Variants in SEC14L5 observed in about 807,000 individuals in gnomAD.
The protein encoded by SEC14L5 is SEC14-like protein 5.
Under a neutral mutation model 84.6 loss-of-function variants are expected in SEC14L5, and 96 were observed. The ratio of observed to expected loss-of-function variants is 1.13; its 90% CI spans 0.96 to 1.34. SEC14L5 has a LOEUF of 1.34. SEC14L5 is among the 40% of genes most tolerant of loss of function. The pLI is 0.00. For missense variants in SEC14L5, 1,224 were observed against 942.5 expected (o/e 1.30, Z -3.91); for synonymous variants, 546 against 383.4 (o/e 1.42, Z -4.95).
At position 4,959,260 on chromosome 16, in the gene SEC14L5, C is replaced by T; in HGVS notation, c.-51-13C>T. ...GTGGGAGCTGCAACCTCACCAGTCA[C>T]TCCTCGCCCCAGGCTCTGTGCACAC... On this transcript the variant is annotated splice_polypyrimidine_tract_variant and intron_variant, in intron 1 of 15. Transcript: ENST00000251170. The T allele has an allele frequency of 7.5e-7, 1 of 1,330,254 alleles. No individual in the cohort carries two copies. Among genetic ancestry groups the T allele is most frequent in the South Asian group, 1.2e-5 (1 of 85,116 alleles). 82.4% of individuals were successfully genotyped at this position (1,330,254 alleles called of 1,614,324 possible).
At chr16:4,995,947 G>A (rs1376114340) in intron 6 of SEC14L5, among the ~76,000 whole-genome samples, 1 of 152,094 alleles carries the variant, frequency 6.6e-6, no homozygotes. Flanking sequence ...TCTAAAGTGG[G>A]GATAATAGTG....
intron 2 of SEC14L5, among the ~76,000 whole-genome samples, chr16:4,984,718 G>T (rs1490345383): frequency 6.6e-6 from 1 of 152,190 alleles, no homozygotes; most frequent in Non-Finnish European, 1.5e-5. Context: ...TCTTTTAAAA[G>T]TTATTATAGT....
intron 2 of SEC14L5, among the ~76,000 whole-genome samples, chr16:4,986,956 A>G (rs1024637856): frequency 1.3e-5 from 2 of 152,220 alleles, no homozygotes; most frequent in African/African-American, 4.8e-5. Context: ...GATTTTCTAT[A>G]TAAATGTTCA....
rs139649996 is a variant in SEC14L5 at position 5,015,097 on chromosome 16, T to G, written c.*127T>G. 859 of 706,928 alleles carry G rather than the reference T, an allele frequency of 1.2e-3. 1 individual carries two copies. The highest frequency in any genetic ancestry group is 1.9e-3 in the Non-Finnish European group (795 of 426,536). The allele number at this position is 706,928 out of a possible 1,614,324, so 43.8% of individuals were successfully genotyped here. A position where few individuals can be genotyped will look rare whatever the true frequency, so the allele number is the denominator to read the frequency against. ...GCCCCAGGCCTAGATGCTGCCCAAG[T>G]TGGGGTGTCTGGAGCGGATGGCAAG... On this transcript the variant is annotated 3_prime_UTR_variant, in exon 16 of 16. Transcript: ENST00000251170.
intron 8 of SEC14L5, among the ~76,000 whole-genome samples, chr16:4,998,512 G>A (rs554687701): frequency 6.7e-6 from 1 of 150,086 alleles, no homozygotes; most frequent in Non-Finnish European, 1.5e-5. Context: ...GCCGAGGCGG[G>A]CGGATCACGA....
intron 2 of SEC14L5, among the ~76,000 whole-genome samples, chr16:4,977,473 A>ACAAAAAAG (rs1568114861): frequency 7.8e-6 from 1 of 128,648 alleles, no homozygotes; most frequent in East Asian, 2.2e-4. Flanking sequence ...AAAAAAAGGA[A>ACAAAAAAG]AAAAAAAGAA....
At chr16:4,970,697 G>C (rs1225407945) in intron 2 of SEC14L5, among the ~76,000 whole-genome samples, 1 of 152,144 alleles carries the variant, frequency 6.6e-6, no homozygotes, top group East Asian at 1.9e-4. Context: ...TGGGTGGCAC[G>C]GGCTGTCGTT....
chr16:4,981,559 GGGA>G (rs1325605646), intron 2 of SEC14L5, among the ~76,000 whole-genome samples: 3 of 152,152 alleles, frequency 2.0e-5, no homozygotes, highest in Non-Finnish European at 1.5e-5. Context: ...GGGTGGAAAA[GGGA>G]GGAGAAGATG....
Position 4,966,281 on chromosome 16 carries a change from T to G in SEC14L5, c.63+6895T>G, listed in dbSNP as rs897270073. On this transcript the variant is annotated intron_variant, in intron 2 of 15. Transcript: ENST00000251170. ...GCGCCCGGCCTCTTTTTTTTTTTTT[T>G]TTTTTTTTTTGAGATGGAGTCTTGC... Among the ~76,000 whole-genome samples the G allele has an allele frequency of 1.4e-3, 191 of 137,788 alleles. 1 individual carries two copies. The highest frequency in any genetic ancestry group is 4.9e-3 in the African/African-American group (181 of 36,834). The allele number at this position is 137,788 out of a possible 152,430, so 90.4% of individuals were successfully genotyped here.
chr16:5,006,602 C>T (rs1018298962), intron 12 of SEC14L5, among the ~76,000 whole-genome samples: 2 of 152,178 alleles, frequency 1.3e-5, no homozygotes, highest in Non-Finnish European at 2.9e-5. Flanking sequence ...ATATGGCCCC[C>T]AGTGGCCCGG....
At chr16:5,000,276 G>C (rs1255095151) in intron 8 of SEC14L5, among the ~76,000 whole-genome samples, 2 of 152,196 alleles carry the variant, frequency 1.3e-5, no homozygotes, top group African/African-American at 4.8e-5. Context: ...GGGTGACAGA[G>C]CAAGACTCTG....
chr16:4,991,162 CTTTT>C (rs35980290), intron 5 of SEC14L5, among the ~76,000 whole-genome samples: 10 of 85,506 alleles, frequency 1.2e-4, no homozygotes, highest in African/African-American at 4.0e-4. Flanking sequence ...TTCTGTGGTG[CTTTT>C]TTTTTTTTTT....
intron 4 of SEC14L5, among the ~76,000 whole-genome samples, chr16:4,989,801 G>C (rs993241571): frequency 2.0e-5 from 3 of 152,116 alleles, no homozygotes; most frequent in Non-Finnish European, 4.4e-5. Flanking sequence ...ATCAATAGCT[G>C]AGTCAGCAGC....
At chr16:5,008,162 C>G (rs917979668) in intron 13 of SEC14L5, among the ~76,000 whole-genome samples, 2 of 152,012 alleles carry the variant, frequency 1.3e-5, no homozygotes, top group Non-Finnish European at 2.9e-5. Flanking sequence ...GTGATCCACC[C>G]ACCTCGGCCT....
Position 4,961,517 on chromosome 16 carries a change from C to T in SEC14L5, c.63+2131C>T, listed in dbSNP as rs537447426. On this transcript the variant is annotated intron_variant, in intron 2 of 15. Transcript: ENST00000251170. ...GTAATTTTTGTATTTTCAGTATAGA[C>T]GGGGTTTCATCACGTTGGCCACGCT... is the stretch of plus-strand genomic sequence containing the variant. Among the ~76,000 whole-genome samples, 10 of 152,146 alleles carry T rather than the reference C, an allele frequency of 6.6e-5. No individual in the cohort carries two copies. The South Asian group carries it at 2.1e-3, about 32-fold the overall frequency.
At chr16:4,993,789 T>C (rs567784728) in intron 6 of SEC14L5, among the ~76,000 whole-genome samples, 1 of 152,340 alleles carries the variant, frequency 6.6e-6, no homozygotes, top group South Asian at 2.1e-4. Context: ...CCAATCATTG[T>C]TCCCACTGAA....
intron 8 of SEC14L5, 95 bp downstream of exon 8, chr16:4,997,139 C>G (rs1955621592): frequency 1.1e-6 from 1 of 933,414 alleles, no homozygotes; most frequent in Admixed American, 3.2e-5. Context: ...CACTCTGTCA[C>G]CCAGGCTGGA....
intron 2 of SEC14L5, among the ~76,000 whole-genome samples, chr16:4,970,210 C>T (rs944487426): frequency 1.3e-5 from 2 of 152,080 alleles, no homozygotes; most frequent in South Asian, 2.1e-4. Context: ...AACCATTCAT[C>T]ATGGGGAAAA....
chr16:4,989,341 T>C (rs548115794), intron 4 of SEC14L5, among the ~76,000 whole-genome samples: 25 of 151,202 alleles, frequency 1.7e-4, no homozygotes, highest in African/African-American at 5.8e-4. Flanking sequence ...TTTTTTTTGT[T>C]TGTTTTTTTG....
Sources: allele counts gnomAD v4.1 joint callset (sites outside exome capture counted in the v4.1 genomes callset), GRCh38; gene constraint gnomAD v4.1.1; transcripts MANE v1.5; gene names NCBI Gene and HGNC (gene_info 2026-07-23, HGNC 2026-07-21).